The following EFCAB11 variants were observed in gnomAD, a reference collection of about 807,000 sequenced individuals.
EFCAB11 encodes EF-hand calcium binding domain 11, also known as EF-hand calcium-binding domain-containing protein 11.
EFCAB11 carries 14 observed loss-of-function variants against 23.0 expected under a neutral mutation model. The observed-to-expected ratio is 0.61, with a 90% CI of 0.40 to 0.95. The LOEUF (loss-of-function observed/expected upper bound fraction) is 0.95. EFCAB11 is among the 40% of genes least tolerant of loss of function. EFCAB11 has a pLI of 0.00. For synonymous variants in EFCAB11, 65 were observed against 66.6 expected (o/e 0.98, Z 0.11); for missense variants, 198 against 195.8 (o/e 1.01, Z -0.07).
rs934390338 is a variant in EFCAB11 at position 89,909,734 on chromosome 14, C to G, written c.410+21807G>C. 9.8e-5 allele frequency among the ~76,000 whole-genome samples: 15 copies of G among 152,300 alleles called. No individual in the cohort carries two copies. The East Asian group carries it at 1.2e-3, about 12-fold the overall frequency. On this transcript the variant is annotated intron_variant, in intron 5 of 5. Coordinates refer to ENST00000316738, the MANE Select transcript of EFCAB11 (RefSeq NM_145231.4). The stretch of plus-strand genomic sequence containing the variant: ...GTCTCATCACTCTGCATTCATCTCT[C>G]GTTCCACCCACCCACTGAAAAAAAT...
chr14:89,922,082 C>T lies in EFCAB11; in HGVS notation c.410+9459G>A, dbSNP rs75794394. Among the ~76,000 whole-genome samples the T allele has an allele frequency of 5.9e-5, 9 of 152,256 alleles. No homozygotes were observed. In the East Asian group the frequency reaches 1.7e-3, roughly 29 times the overall value. ...AGCAACATTTGGTCATAGAAGGAAA[C>T]CATGGCAGCAGTTTCCTATGTGACA... is the stretch of plus-strand genomic sequence containing the variant. On this transcript the variant is annotated intron_variant, in intron 5 of 5. Transcript: ENST00000316738.
chr14:89,946,123 T>C (rs929660626), intron 3 of EFCAB11, among the ~76,000 whole-genome samples: 2 of 152,050 alleles, frequency 1.3e-5, no homozygotes, highest in African/African-American at 2.4e-5. Flanking sequence ...GGTTTCATCA[T>C]GGTTGGTCTC....
intron 5 of EFCAB11, among the ~76,000 whole-genome samples, chr14:89,833,369 C>A (rs1469114972): frequency 6.6e-6 from 1 of 152,188 alleles, no homozygotes; most frequent in Non-Finnish European, 1.5e-5. Context: ...AAAATAAAGT[C>A]ATAAATTCAG....
intron 5 of EFCAB11, among the ~76,000 whole-genome samples, chr14:89,849,396 T>C (rs577523501): frequency 5.2e-4 from 79 of 152,350 alleles, no homozygotes; most frequent in African/African-American, 1.4e-3. Context: ...TGGCAGATTA[T>C]GTAAATGAAC....
intron 5 of EFCAB11, among the ~76,000 whole-genome samples, chr14:89,910,833 C>G (rs1889654609): frequency 6.6e-6 from 1 of 151,994 alleles, no homozygotes; most frequent in African/African-American, 2.4e-5. Flanking sequence ...CGAAAAGATT[C>G]AGAAAAGTTA....
chr14:89,910,591 T>C (rs1308343983), intron 5 of EFCAB11, among the ~76,000 whole-genome samples: 1 of 148,274 alleles, frequency 6.7e-6, no homozygotes, highest in African/African-American at 2.5e-5. Flanking sequence ...AATGAGAATC[T>C]GTCTCAAATA....
At chr14:89,900,062 G>A (rs371104541) in intron 5 of EFCAB11, among the ~76,000 whole-genome samples, 22 of 152,218 alleles carry the variant, frequency 1.4e-4, no homozygotes, top group African/African-American at 5.1e-4. Flanking sequence ...ACTTGGAGTC[G>A]AATTTTCAAT....
chr14:89,948,133 T>G (rs964796352), intron 3 of EFCAB11, among the ~76,000 whole-genome samples: 2 of 152,178 alleles, frequency 1.3e-5, no homozygotes, highest in Non-Finnish European at 2.9e-5. Flanking sequence ...TTTATGCACT[T>G]CAACAGTTTA....
chr14:89,952,396 G>A (rs1891203276), intron 2 of EFCAB11: 1 of 985,144 alleles, frequency 1.0e-6, no homozygotes, highest in Non-Finnish European at 1.2e-6. Context: ...TACCTTTCCA[G>A]GTGAATCCAA....
At chr14:89,904,367 G>A (rs1054650348) in intron 5 of EFCAB11, among the ~76,000 whole-genome samples, 1 of 152,078 alleles carries the variant, frequency 6.6e-6, no homozygotes, top group Non-Finnish European at 1.5e-5. Flanking sequence ...TCTTAATCTA[G>A]TCTATCATTG....
chr14:89,927,969 C>T (rs758395778), intron 5 of EFCAB11, among the ~76,000 whole-genome samples: 3 of 152,092 alleles, frequency 2.0e-5, no homozygotes, highest in African/African-American at 4.8e-5. Flanking sequence ...GTGATCCGCC[C>T]GCCTCGGCCT....
rs181712724 is a variant in EFCAB11 at position 89,897,941 on chromosome 14, G to C, written c.410+33600C>G. Among the ~76,000 whole-genome samples the C allele has an allele frequency of 7.9e-5, 12 of 152,248 alleles. 1 individual carries two copies. Among genetic ancestry groups the C allele is most frequent in the African/African-American group, 2.9e-4 (12 of 41,528 alleles). On this transcript the variant is annotated intron_variant, in intron 5 of 5. Transcript: ENST00000316738. ...CCATAAAGCTAATTTAAGCAAGTATGATGAACAGTTCCTTCAGTACTAAGA... is the reference window on the plus strand; with the variant it reads ...CCATAAAGCTAATTTAAGCAAGTATCATGAACAGTTCCTTCAGTACTAAGA...
At chr14:89,820,407 CTT>C (rs1158368966) in intron 5 of EFCAB11, among the ~76,000 whole-genome samples, 1 of 152,070 alleles carries the variant, frequency 6.6e-6, no homozygotes, top group Non-Finnish European at 1.5e-5. Flanking sequence ...TCCTTCCACT[CTT>C]CTCCATTCCA....
intron 5 of EFCAB11, among the ~76,000 whole-genome samples, chr14:89,828,839 C>G (rs10130087): frequency 6.6e-6 from 1 of 152,010 alleles, no homozygotes; most frequent in Non-Finnish European, 1.5e-5. Context: ...AAGACTGTAT[C>G]AAAGGTATTT....
At position 89,942,741 on chromosome 14, in the gene EFCAB11, C is replaced by T. The variant is rs986546831; in HGVS notation, c.217+7356G>A. Among the ~76,000 whole-genome samples, 3 of 152,148 alleles carry T rather than the reference C, an allele frequency of 2.0e-5. No individual in the cohort carries two copies. The East Asian group carries it at 5.8e-4, about 29-fold the overall frequency. The stretch of plus-strand genomic sequence containing the variant: ...CTTGTTAGGTTACAGGCAATAAAAA[C>T]ATCATTAGCACCTTTCTGCTACTCA... On this transcript the variant is annotated intron_variant, in intron 3 of 5. Transcript: ENST00000316738.
chr14:89,915,147 C>T (rs1889798888), intron 5 of EFCAB11, among the ~76,000 whole-genome samples: 1 of 152,270 alleles, frequency 6.6e-6, no homozygotes, highest in Admixed American at 6.5e-5. Flanking sequence ...ATCATTTGCT[C>T]CTCCACTCTC....
intron 5 of EFCAB11, among the ~76,000 whole-genome samples, chr14:89,928,935 A>C (rs1890287074): frequency 6.8e-6 from 1 of 147,864 alleles, no homozygotes; most frequent in African/African-American, 2.5e-5. Flanking sequence ...TATTACATAT[A>C]TAGTTCAATA....
chr14:89,826,094 T>A (rs547857170), intron 5 of EFCAB11, among the ~76,000 whole-genome samples: 56 of 152,272 alleles, frequency 3.7e-4, no homozygotes, highest in Non-Finnish European at 6.9e-4. Flanking sequence ...CTCATATACA[T>A]ATATATGTAA....
chr14:89,935,805 T>C (rs1890560637), intron 3 of EFCAB11, among the ~76,000 whole-genome samples: 1 of 152,130 alleles, frequency 6.6e-6, no homozygotes, highest in African/African-American at 2.4e-5. Context: ...GGTCAGGAGT[T>C]TGAGATCAGC....
Sources: gnomAD v4.1 joint callset for allele counts (sites outside exome capture counted in the v4.1 genomes callset) on GRCh38, gnomAD v4.1.1 for gene constraint, MANE v1.5 for transcripts, NCBI Gene and HGNC (gene_info 2026-07-23, HGNC 2026-07-21) for gene names.